DAPK2: variants seen among roughly 807,000 people sequenced by gnomAD.
DAPK2 encodes the protein death associated protein kinase 2, also known as death-associated protein kinase 2.
Under a neutral mutation model 44.1 loss-of-function variants are expected in DAPK2, and 35 were observed. The ratio of observed to expected loss-of-function variants is 0.79; its 90% CI spans 0.61 to 1.05. The LOEUF (loss-of-function observed/expected upper bound fraction) is 1.05. Ranked by LOEUF, DAPK2 falls within the 50% of genes least tolerant of loss-of-function variation. DAPK2 has a pLI of 0.00. For missense variants in DAPK2, 453 were observed against 483.2 expected, an observed-to-expected ratio of 0.94 and a Z score of 0.59; for synonymous variants, 174 against 182.6, an observed-to-expected ratio of 0.95 and a Z score of 0.38.
At chr15:64,022,070 G>A (rs919367626) in intron 1 of DAPK2, among the ~76,000 whole-genome samples, 2 of 152,162 alleles carry the variant, frequency 1.3e-5, no homozygotes, top group East Asian at 3.8e-4. Flanking sequence ...TTGCAAAGAG[G>A]AAAGCAGGGT....
At chr15:63,967,685 T>C (rs544486865) in intron 3 of DAPK2, among the ~76,000 whole-genome samples, 1 of 152,210 alleles carries the variant, frequency 6.6e-6, no homozygotes, top group East Asian at 1.9e-4. Context: ...AGCGAGACTC[T>C]GTCTCAAAAA....
Position 63,966,872 on chromosome 15 carries a change from G to A in DAPK2, c.453+4551C>T, listed in dbSNP as rs1242609318. ...TACCCTCTTCAGTGCCTCTTTCTGT[G>A]ATATGAAATTAAAACCAGGTACTGT... On this transcript the variant is annotated intron_variant, in intron 3 of 10. Transcript: ENST00000261891. The surrounding 1 kb of genome is among the most constrained non-coding windows in gnomAD (Gnocchi z 5.5). 6.6e-6 allele frequency among the ~76,000 whole-genome samples: 1 copy of A among 152,110 alleles called. No homozygotes were observed. The highest frequency in any genetic ancestry group is 1.5e-5 in the Non-Finnish European group (1 of 68,008).
At chr15:64,024,324 G>C (rs1311486646) in intron 1 of DAPK2, among the ~76,000 whole-genome samples, 1 of 152,184 alleles carries the variant, frequency 6.6e-6, no homozygotes, top group Non-Finnish European at 1.5e-5. Context: ...TCCTCGAGTT[G>C]CAAGGGCCTA....
chr15:63,969,083 G>A (rs777472024), intron 3 of DAPK2, among the ~76,000 whole-genome samples: 9 of 152,108 alleles, frequency 5.9e-5, no homozygotes, highest in Non-Finnish European at 1.3e-4. Context: ...ACCCTGTGAC[G>A]CCTCAGTAAA....
chr15:64,038,317 C>CACTGAAT (rs2080263631), intron 1 of DAPK2, among the ~76,000 whole-genome samples: 1 of 152,200 alleles, frequency 6.6e-6, no homozygotes. Flanking sequence ...CAGGACATGG[C>CACTGAAT]CAAGTGAGGG....
intron 1 of DAPK2, among the ~76,000 whole-genome samples, chr15:64,036,340 T>TATATATATATATGTATATATATATAC (rs1555484601): frequency 8.4e-6 from 1 of 119,750 alleles, no homozygotes; most frequent in Non-Finnish European, 1.8e-5. Flanking sequence ...TATATATACA[T>TATATATATATATGTATATATATATAC]ATATATATAT....
rs201471838 is a variant in DAPK2 at position 63,980,797 on chromosome 15, G to GAC, written c.314+2734_314+2735dup. Reference sequence around the variant, plus strand: ...CCGTATTAGGCAGTGGGACCTTTAAGACGTGATTGGGTCGGGGTGCGGTGG... The same window carrying GAC: ...CCGTATTAGGCAGTGGGACCTTTAAGACACGTGATTGGGTCGGGGTGCGGTGG... On this transcript the variant is annotated intron_variant, in intron 2 of 10. Transcript: ENST00000261891. The surrounding 1 kb of genome is among the most constrained non-coding windows in gnomAD (Gnocchi z 4.3). Among the ~76,000 whole-genome samples, 7 of 60,384 alleles carry GAC rather than the reference G, an allele frequency of 1.2e-4. No homozygotes were observed. Among genetic ancestry groups the GAC allele is most frequent in the South Asian group, 3.8e-4 (1 of 2,656 alleles). 39.6% of individuals were successfully genotyped at this position (60,384 alleles called of 152,430 possible).
In DAPK2 at chr15:63,939,402, AAAG is replaced by A. The variant is rs2077248772; in HGVS notation, c.454-44_454-42del. The A allele has an allele frequency of 1.3e-6, 2 of 1,555,020 alleles. No homozygotes were observed. The highest frequency in any genetic ancestry group is 2.8e-5 in the African/African-American group (2 of 71,942). On this transcript the variant is annotated intron_variant, in intron 3 of 10. Coordinates refer to ENST00000261891, the Ensembl canonical transcript of DAPK2. The surrounding 1 kb of genome is among the most constrained non-coding windows in gnomAD (Gnocchi z 4.3). Reference sequence around the variant, plus strand: ...TAGAAAAAAAAAAAAGGAAGGAAGAAAAGAAAAAAAAAGACGGTAATTAAAGGC... The same window carrying A: ...TAGAAAAAAAAAAAAGGAAGGAAGAAAAAAAAAAAGACGGTAATTAAAGGC...
intron 8 of DAPK2, among the ~76,000 whole-genome samples, chr15:63,913,128 T>C (rs550397367): frequency 5.3e-4 from 81 of 152,250 alleles, no homozygotes; most frequent in African/African-American, 1.8e-3. Flanking sequence ...TATGATTCAA[T>C]TTATATAAAA....
At chr15:64,023,244 G>A (rs561374051) in intron 1 of DAPK2, among the ~76,000 whole-genome samples, 7 of 152,200 alleles carry the variant, frequency 4.6e-5, no homozygotes, top group Non-Finnish European at 8.8e-5. Flanking sequence ...CAGTAGTCAG[G>A]GCAGGCTTCT....
chr15:64,021,171 G>T (rs184019378), intron 1 of DAPK2, among the ~76,000 whole-genome samples: 41 of 152,300 alleles, frequency 2.7e-4, no homozygotes, highest in Non-Finnish European at 5.4e-4. Flanking sequence ...TCTTCTCCTG[G>T]AAGTAGGCAC....
chr15:64,040,176 A>G (rs1218839314), exon 1 of DAPK2: 4 of 1,613,422 alleles, frequency 2.5e-6, no homozygotes, highest in Non-Finnish European at 3.4e-6. Context: ...CTACCTCCCC[A>G]GCTCCTCTCC....
intron 1 of DAPK2, among the ~76,000 whole-genome samples, chr15:64,001,998 C>T (rs2079097120): frequency 6.6e-6 from 1 of 150,906 alleles, no homozygotes; most frequent in Admixed American, 6.6e-5. Context: ...TTGAGTGACT[C>T]CTTCTGTGAA....
intron 2 of DAPK2, among the ~76,000 whole-genome samples, chr15:63,974,568 T>C (rs989704208): frequency 8.5e-5 from 13 of 152,176 alleles, no homozygotes; most frequent in Admixed American, 6.5e-5. Flanking sequence ...AGACAAGGGT[T>C]ATGGAGACCA....
intron 1 of DAPK2, among the ~76,000 whole-genome samples, chr15:64,021,730 G>T (rs2079688017): frequency 6.6e-6 from 1 of 152,232 alleles, no homozygotes; most frequent in Non-Finnish European, 1.5e-5. Flanking sequence ...TGGAGGGATA[G>T]ATGGGGCTGG....
At chr15:63,922,559 T>G (rs1595708945) in intron 8 of DAPK2, 3 of 1,395,376 alleles carry the variant, frequency 2.1e-6, no homozygotes, top group Admixed American at 3.0e-5. Flanking sequence ...TGAGGGGAGG[T>G]GCAGAATGAA....
intron 1 of DAPK2, among the ~76,000 whole-genome samples, chr15:63,993,436 T>C (rs992153711): frequency 1.2e-4 from 18 of 147,646 alleles, no homozygotes; most frequent in Admixed American, 1.0e-3. Flanking sequence ...TCATAACCAG[T>C]TATTTCTTGC....
chr15:64,019,975 A>C (rs1405668790), intron 1 of DAPK2, among the ~76,000 whole-genome samples: 5 of 152,222 alleles, frequency 3.3e-5, no homozygotes, highest in African/African-American at 1.2e-4. Context: ...ATGTTGCTAA[A>C]AACAGGCACT....
At chr15:64,030,873 C>T (rs993548080) in intron 1 of DAPK2, among the ~76,000 whole-genome samples, 2 of 151,820 alleles carry the variant, frequency 1.3e-5, no homozygotes, top group African/African-American at 2.4e-5. Flanking sequence ...GAAGCTGAGG[C>T]GGGAGGATGC....
Sources: gnomAD v4.1 joint callset for allele counts (sites outside exome capture counted in the v4.1 genomes callset) on GRCh38, gnomAD v4.1.1 for gene constraint, Gnocchi (gnomAD v3.1) non-coding constraint, MANE v1.5 for transcripts, NCBI Gene and HGNC (gene_info 2026-07-23, HGNC 2026-07-21) for gene names.